MYO1D: variants seen among roughly 807,000 people sequenced by gnomAD.
The protein encoded by MYO1D is unconventional myosin-Id.
In MYO1D, 83 loss-of-function variants were observed where a neutral mutation model predicts 122.0. The observed-to-expected ratio is 0.68, with a 90% CI of 0.57 to 0.82. MYO1D has a LOEUF of 0.82. Among genes scored for constraint, MYO1D ranks in the 40% least tolerant of loss-of-function variants. The pLI is 0.00. For synonymous variants in MYO1D, 464 were observed against 446.9 expected (o/e 1.04, Z -0.48); for missense variants, 1,157 against 1,269.5 (o/e 0.91, Z 1.35).
chr17:32,526,657 A>G (rs1256392281), intron 21 of MYO1D, among the ~76,000 whole-genome samples: 1 of 147,198 alleles, frequency 6.8e-6, no homozygotes, highest in East Asian at 2.0e-4. Flanking sequence ...TTCAAGGTAT[A>G]GTTATTATTT....
chr17:32,613,438 T>C (rs1461697728), intron 20 of MYO1D, among the ~76,000 whole-genome samples: 1 of 152,116 alleles, frequency 6.6e-6, no homozygotes, highest in Non-Finnish European at 1.5e-5. Context: ...ACCATGACCA[T>C]GAGCGTATAT....
chr17:32,693,244 A>G (rs529163869), intron 16 of MYO1D, among the ~76,000 whole-genome samples: 4 of 152,352 alleles, frequency 2.6e-5, no homozygotes, highest in African/African-American at 9.6e-5. Flanking sequence ...TGAAATGAAT[A>G]TGTAGCCATT....
At chr17:32,589,382 G>C (rs940014199) in intron 21 of MYO1D, among the ~76,000 whole-genome samples, 1 of 152,194 alleles carries the variant, frequency 6.6e-6, no homozygotes, top group African/African-American at 2.4e-5. Context: ...TGAATTATAA[G>C]TCTTCTCTGA....
intron 2 of MYO1D, 23 bp downstream of exon 2, chr17:32,780,553 T>C (rs1567639043): frequency 1.2e-6 from 2 of 1,607,126 alleles, no homozygotes; most frequent in Admixed American, 1.7e-5. Flanking sequence ...ACTTTGGAAA[T>C]ACAGGGGATC....
At chr17:32,766,374 A>G (rs1430106432) in intron 7 of MYO1D, among the ~76,000 whole-genome samples, 1 of 152,190 alleles carries the variant, frequency 6.6e-6, no homozygotes, top group Non-Finnish European at 1.5e-5. Flanking sequence ...AGCTTTTACT[A>G]TCATTTTAAG....
intron 16 of MYO1D, among the ~76,000 whole-genome samples, chr17:32,661,382 G>A (rs1353224075): frequency 6.6e-6 from 1 of 152,126 alleles, no homozygotes; most frequent in East Asian, 1.9e-4. Flanking sequence ...GCTAGGTGTG[G>A]TGGCTCATGC....
intron 1 of MYO1D, among the ~76,000 whole-genome samples, chr17:32,865,759 TG>T (rs1259907991): frequency 6.6e-6 from 1 of 152,184 alleles, no homozygotes; most frequent in Non-Finnish European, 1.5e-5. Flanking sequence ...ACTAGTCCCA[TG>T]TGGGCAGCTG....
intron 1 of MYO1D, among the ~76,000 whole-genome samples, chr17:32,787,302 CAAT>C (rs1284056534): frequency 1.3e-5 from 2 of 151,982 alleles, no homozygotes; most frequent in Non-Finnish European, 1.5e-5. Context: ...TTTTTTACCT[CAAT>C]AGTTTTTGTG....
At chr17:32,651,838 G>A (rs1567930350) in intron 19 of MYO1D, among the ~76,000 whole-genome samples, 1 of 151,968 alleles carries the variant, frequency 6.6e-6, no homozygotes. Context: ...ACCAGACCCA[G>A]TTAATTTTTT....
intron 1 of MYO1D, among the ~76,000 whole-genome samples, chr17:32,857,137 T>C (rs544949712): frequency 2.0e-5 from 3 of 152,320 alleles, no homozygotes; most frequent in South Asian, 4.1e-4. Flanking sequence ...TAGGGTTGAA[T>C]AGATTATAAG....
At position 32,605,138 on chromosome 17, in the gene MYO1D, T is replaced by C. The variant is rs371474056; in HGVS notation, c.2813A>G (p.His938Arg). ...AACAAGTTCTCCAATTCGACTCTCATGGGTTGGCTGTTTGCTGAAGAGGCA... is the reference window on the plus strand; with the variant it reads ...AACAAGTTCTCCAATTCGACTCTCACGGGTTGGCTGTTTGCTGAAGAGGCA... Reference protein sequence around the residue: ...IVCLFSKQPTHESRIGELVGV... With the variant: ...IVCLFSKQPTRESRIGELVGV... Residue 938 changes from histidine to arginine, a missense_variant, in exon 21 of 22, where the codon CAT becomes CGT. His to Arg is a conservative substitution (Grantham distance 29). Transcript: ENST00000318217. The C allele has an allele frequency of 2.0e-5, 32 of 1,610,136 alleles. No homozygotes were observed. The highest frequency in any genetic ancestry group is 2.7e-5 in the Non-Finnish European group (32 of 1,177,106).
intron 21 of MYO1D, among the ~76,000 whole-genome samples, chr17:32,603,818 C>T (rs186507886): frequency 1.2e-4 from 19 of 152,272 alleles, no homozygotes; most frequent in African/African-American, 4.1e-4. Flanking sequence ...AGCCACTGCG[C>T]CTGGCCACAT....
intron 21 of MYO1D, among the ~76,000 whole-genome samples, chr17:32,583,770 T>C (rs1369433690): frequency 6.6e-6 from 1 of 151,932 alleles, no homozygotes; most frequent in African/African-American, 2.4e-5. Flanking sequence ...GGCAAGGTCT[T>C]GATCTGTCAC....
intron 21 of MYO1D, among the ~76,000 whole-genome samples, chr17:32,546,340 C>G (rs1468133121): frequency 1.3e-5 from 2 of 152,200 alleles, no homozygotes; most frequent in Non-Finnish European, 1.5e-5. Flanking sequence ...CCATGGAAAC[C>G]ATCCCTCTGC....
chr17:32,767,795 T>A (rs543870467), intron 6 of MYO1D, 43 bp from the exon 7 acceptor site: 1 of 1,394,610 alleles, frequency 7.2e-7, no homozygotes, highest in East Asian at 2.3e-5. Flanking sequence ...ATATTTCCTA[T>A]GAGCATTAAA....
intron 6 of MYO1D, among the ~76,000 whole-genome samples, chr17:32,768,539 G>C (rs1282836910): frequency 6.6e-6 from 1 of 152,202 alleles, no homozygotes; most frequent in African/African-American, 2.4e-5. Context: ...TTTGGATACA[G>C]AGACCTGGCC....
chr17:32,821,064 C>T (rs1411994920), intron 1 of MYO1D, among the ~76,000 whole-genome samples: 1 of 152,076 alleles, frequency 6.6e-6, no homozygotes, highest in African/African-American at 2.4e-5. Flanking sequence ...GTGTGTGTTC[C>T]CCTCTGTGTG....
chr17:32,576,610 T>C lies in MYO1D; in HGVS notation c.2864+28477A>G, dbSNP rs187163151. Among the ~76,000 whole-genome samples, 10 of 152,324 alleles carry C rather than the reference T, an allele frequency of 6.6e-5. No individual in the cohort carries two copies. In the East Asian group the frequency reaches 1.5e-3, roughly 24 times the overall value. ...CATATTTTGTTAATCTAATATCAGCTTTGATTTACTACTGCCTCTTTTTAA... is the reference window on the plus strand; with the variant it reads ...CATATTTTGTTAATCTAATATCAGCCTTGATTTACTACTGCCTCTTTTTAA... On this transcript the variant is annotated intron_variant, in intron 21 of 21. Transcript: ENST00000318217.
intron 1 of MYO1D, among the ~76,000 whole-genome samples, chr17:32,828,180 G>A (rs889169837): frequency 1.3e-5 from 2 of 152,166 alleles, no homozygotes; most frequent in African/African-American, 4.8e-5. Context: ...ATTGTTCTGT[G>A]TAAGTAAATT....
Sources: allele counts gnomAD v4.1 joint callset (sites outside exome capture counted in the v4.1 genomes callset), GRCh38; gene constraint gnomAD v4.1.1; transcripts MANE v1.5; gene names NCBI Gene and HGNC (gene_info 2026-07-23, HGNC 2026-07-21).